The following PANK1 variants were observed in gnomAD, a reference collection of about 807,000 sequenced individuals.
The protein encoded by PANK1 is pantothenic acid kinase 1.
In PANK1, 18 loss-of-function variants were observed where a neutral mutation model predicts 40.1. The ratio of observed to expected loss-of-function variants is 0.45; its 90% CI spans 0.31 to 0.67. The LOEUF (loss-of-function observed/expected upper bound fraction) is 0.67. Among genes scored for constraint, PANK1 ranks in the 30% least tolerant of loss-of-function variants. The pLI is 0.06. For synonymous variants in PANK1, 242 were observed against 237.7 expected (o/e 1.02, Z -0.17); for missense variants, 457 against 599.6 (o/e 0.76, Z 2.48).
At chr10:89,588,544 G>T (rs1253533775) in intron 6 of PANK1, 108 bp downstream of exon 6, 1 of 787,070 alleles carries the variant, frequency 1.3e-6, no homozygotes, top group Non-Finnish European at 1.9e-6. Context: ...AGTGTAAATG[G>T]CAACTTTTCT....
In PANK1 at chr10:89,599,224, G is replaced by T. The variant is rs1172695949; in HGVS notation, c.899+28C>A. ...ACTGGTCATCAAGAAAGAGGTCTGG[G>T]TTCAAGCACAAGCAGAAACATGTTT... On this transcript the variant is annotated intron_variant, in intron 3 of 6. Transcript: ENST00000307534. The T allele has an allele frequency of 5.6e-6, 9 of 1,601,360 alleles. No individual in the cohort carries two copies. In the Admixed American group the frequency reaches 1.2e-4, roughly 21 times the overall value.
chr10:89,626,567 G>A (rs1459405868), intron 1 of PANK1: 1 of 152,340 alleles, frequency 6.6e-6, no homozygotes. Context: ...GCCTCCCAAA[G>A]TGGCGGGATT....
chr10:89,581,086 T>C (rs1291796834), downstream of PANK1: 1 of 151,034 alleles, frequency 6.6e-6, no homozygotes, highest in Non-Finnish European at 1.5e-5. Flanking sequence ...ATCTTTGTTC[T>C]GTTTACTGCT....
chr10:89,599,439 C>A lies in PANK1; in HGVS notation c.712G>T (p.Asp238Tyr). The A allele has an allele frequency of 1.2e-6, 2 of 1,613,544 alleles. No individual in the cohort carries two copies. ...DCLIQGLLYV[D>Y]SVGFNGKPEC... is the part of the protein sequence containing the mutation. ...GGCTTGCCGTTGAAGCCAACAGAGT[C>A]GACATAAAGCAGGCCCTGAATCAGA... The change falls in exon 3 of 7, where the codon GAC becomes TAC. Residue 238 changes from aspartate to tyrosine, a missense_variant. Physicochemically the swap from Asp to Tyr is radical, Grantham distance 160. Around this residue, in one of 4 missense-constraint regions of PANK1, gnomAD observed 286 missense variants for 415.8 expected, o/e 0.69. Coordinates refer to ENST00000307534, the MANE Select transcript of PANK1 (RefSeq NM_148977.3).
chr10:89,598,243 A>G (rs886228121), intron 3 of PANK1, among the ~76,000 whole-genome samples: 2 of 152,226 alleles, frequency 1.3e-5, no homozygotes, highest in African/African-American at 4.8e-5. Flanking sequence ...AGTCATGGAA[A>G]TGTACTGCAA....
chr10:89,623,491 T>C (rs1394034312), intron 1 of PANK1, among the ~76,000 whole-genome samples: 4 of 151,960 alleles, frequency 2.6e-5, no homozygotes, highest in African/African-American at 9.6e-5. Context: ...CCCAAAATGC[T>C]GGATTACAGG....
chr10:89,638,156 C>G (rs1478281902), intron 1 of PANK1, among the ~76,000 whole-genome samples: 1 of 152,216 alleles, frequency 6.6e-6, no homozygotes, highest in Non-Finnish European at 1.5e-5. Flanking sequence ...ATGAGCAACA[C>G]ATTGAGTTAT....
chr10:89,643,599 C>G lies in PANK1; in HGVS notation c.292+1001G>C, dbSNP rs1483895994. ...AAGGTGTTATTTGCCAAACATTAAA[C>G]TTTCACAGAAATCCAAAACCTACTT... On this transcript the variant is annotated intron_variant, in intron 1 of 6. Transcript: ENST00000307534. 5 of 929,686 alleles carry G rather than the reference C, an allele frequency of 5.4e-6. No homozygotes were observed. In the East Asian group the frequency reaches 1.2e-4, roughly 23 times the overall value. The allele number at this position is 929,686 out of a possible 1,614,324, so 57.6% of individuals were successfully genotyped here. A position where few individuals can be genotyped will look rare whatever the true frequency, so the allele number is the denominator to read the frequency against.
chr10:89,621,956 C>T (rs1396596702), intron 1 of PANK1, among the ~76,000 whole-genome samples: 3 of 152,236 alleles, frequency 2.0e-5, no homozygotes, highest in Non-Finnish European at 4.4e-5. Flanking sequence ...TCAAGTGATC[C>T]ACCTGCCTTG....
At chr10:89,587,803 A>C in intron 6 of PANK1, among the ~76,000 whole-genome samples, 1 of 152,360 alleles carries the variant, frequency 6.6e-6, no homozygotes, top group Non-Finnish European at 1.5e-5. Context: ...TAAAAATGTT[A>C]TTATAAATTG....
In PANK1 at chr10:89,598,725, T is replaced by C. The variant is rs1394599894; in HGVS notation, c.899+527A>G. On this transcript the variant is annotated intron_variant, in intron 3 of 6. Coordinates refer to ENST00000307534, the MANE Select transcript of PANK1 (RefSeq NM_148977.3). ...ATGGCCATGGGGCTGTTTCCCTGTCTACTCCACTCCAAAATTCCCTAGGAG... is the reference window on the plus strand; with the variant it reads ...ATGGCCATGGGGCTGTTTCCCTGTCCACTCCACTCCAAAATTCCCTAGGAG... 1.1e-3 allele frequency among the ~76,000 whole-genome samples: 175 copies of C among 152,314 alleles called. 2 individuals carry two copies. Among genetic ancestry groups the C allele is most frequent in the African/African-American group, 4.0e-3 (166 of 41,560 alleles).
In PANK1 at chr10:89,599,353, G is replaced by A. The variant is rs770526762; in HGVS notation, c.798C>T (p.Cys266=). 4.3e-6 allele frequency: 7 copies of A among 1,613,638 alleles called. No individual in the cohort carries two copies. In the Admixed American group the frequency reaches 1.2e-4, roughly 27 times the overall value. Residue 266 remains cysteine, a synonymous_variant, in exon 3 of 7, where the codon TGC becomes TGT. Transcript: ENST00000307534. ...GCAACATAGGGTATGGGTTATCAAG[G>A]CAGTACGGCTTTTTTTGACACAATT... ...NPELCQKKPY[C]LDNPYPMLLV... is the part of the protein sequence containing the mutation.
chr10:89,612,545 G>A (rs770815550), intron 1 of PANK1, among the ~76,000 whole-genome samples: 10 of 152,124 alleles, frequency 6.6e-5, no homozygotes, highest in Non-Finnish European at 1.2e-4. Context: ...AACCTAGGGC[G>A]CATTTCAATG....
intron 2 of PANK1, among the ~76,000 whole-genome samples, chr10:89,608,071 G>A (rs899128776): frequency 1.4e-5 from 2 of 143,832 alleles, no homozygotes; most frequent in African/African-American, 5.2e-5. Context: ...TGGCCTCGTC[G>A]CCCCGGCTGG....
At chr10:89,582,158 A>G (rs1016144783), downstream of PANK1, 6 of 152,232 alleles carry the variant, frequency 3.9e-5, no homozygotes, top group Admixed American at 1.3e-4. Flanking sequence ...AAAGAGGCTT[A>G]GCATATCTTT....
chr10:89,630,491 G>GTTT (rs202200905), intron 1 of PANK1, among the ~76,000 whole-genome samples: 3 of 132,550 alleles, frequency 2.3e-5, no homozygotes, highest in Non-Finnish European at 3.2e-5. Flanking sequence ...CTAATGTGCA[G>GTTT]TTTTTTTGTT....
chr10:89,591,826 G>A (rs1161146349), intron 5 of PANK1, among the ~76,000 whole-genome samples: 1 of 152,202 alleles, frequency 6.6e-6, no homozygotes, highest in Non-Finnish European at 1.5e-5. Flanking sequence ...CTCTCCCAAA[G>A]GGATTCTGAT....
chr10:89,637,944 T>C (rs978813478), intron 1 of PANK1, among the ~76,000 whole-genome samples: 4 of 152,018 alleles, frequency 2.6e-5, no homozygotes, highest in African/African-American at 9.7e-5. Flanking sequence ...TTTTTTTTAC[T>C]TTTTAAACTT....
intron 1 of PANK1, among the ~76,000 whole-genome samples, chr10:89,618,326 G>T (rs939570916): frequency 6.6e-6 from 1 of 152,130 alleles, no homozygotes; most frequent in East Asian, 1.9e-4. Flanking sequence ...ATGTGTGGGG[G>T]GGTGGTGATG....
Sources: allele counts gnomAD v4.1 joint callset (sites outside exome capture counted in the v4.1 genomes callset), GRCh38; gene constraint gnomAD v4.1.1; regional missense constraint gnomAD v4.1.1; transcripts MANE v1.5; gene names NCBI Gene and HGNC (gene_info 2026-07-23, HGNC 2026-07-21).